The following RAB44 variants were observed in gnomAD, a reference collection of about 807,000 sequenced individuals.
RAB44 encodes the protein RAB44, member RAS oncogene family, also known as ras-related protein Rab-44.
In RAB44, 67 loss-of-function variants were observed where a neutral mutation model predicts 93.3. That is an observed-to-expected ratio of 0.72 (90% CI 0.59 to 0.88). The LOEUF (loss-of-function observed/expected upper bound fraction) is 0.88. Ranked by LOEUF, RAB44 falls within the 40% of genes least tolerant of loss-of-function variation. The probability of loss-of-function intolerance (pLI) is 0.00; values close to 1 mark genes in which losing one functional copy is unlikely to be tolerated. For missense variants in RAB44, 1,064 were observed against 1,261.7 expected, an observed-to-expected ratio of 0.84 and a Z score of 2.37; for synonymous variants, 427 against 520.3, an observed-to-expected ratio of 0.82 and a Z score of 2.44.
intron 2 of RAB44, among the ~76,000 whole-genome samples, chr6:36,709,768 G>A (rs983502743): frequency 1.3e-5 from 2 of 152,138 alleles, no homozygotes; most frequent in Non-Finnish European, 2.9e-5. Flanking sequence ...TGTTGGCCAA[G>A]CTGGTCTCGA....
chr6:36,714,934 C>T (rs1762877411), intron 3 of RAB44, among the ~76,000 whole-genome samples: 1 of 152,168 alleles, frequency 6.6e-6, no homozygotes, highest in African/African-American at 2.4e-5. Flanking sequence ...TTGCCGGGGA[C>T]ACACTTCTCT....
intron 7 of RAB44, among the ~76,000 whole-genome samples, chr6:36,718,867 C>T (rs1380623785): frequency 1.3e-5 from 2 of 151,876 alleles, no homozygotes; most frequent in African/African-American, 4.8e-5. Context: ...TAGTCACTTC[C>T]AGGTGGCACT....
chr6:36,704,091 G>A (rs530017128), intron 1 of RAB44, 133 bp from the exon 2 acceptor site: 238 of 780,592 alleles, frequency 3.0e-4, no homozygotes, highest in African/African-American at 2.0e-3. Context: ...GACCCGGCGG[G>A]ACACCATCAG....
intron 7 of RAB44, among the ~76,000 whole-genome samples, chr6:36,719,599 AAGG>A (rs1182010773): frequency 6.6e-6 from 1 of 152,204 alleles, no homozygotes; most frequent in Non-Finnish European, 1.5e-5. Context: ...GATCAGTGCT[AAGG>A]AGAATAAAGT....
At chr6:36,724,694 A>G (rs1265319154) in intron 9 of RAB44, among the ~76,000 whole-genome samples, 1 of 152,016 alleles carries the variant, frequency 6.6e-6, no homozygotes, top group Non-Finnish European at 1.5e-5. Flanking sequence ...CCAACCAACC[A>G]ACCAGGCAAG....
Position 36,731,986 on chromosome 6 carries a change from C to T in RAB44, c.2976-17C>T, listed in dbSNP as rs1763373989. The T allele has an allele frequency of 2.4e-6, 3 of 1,232,594 alleles. No individual in the cohort carries two copies. The Admixed American group carries it at 1.3e-4, about 52-fold the overall frequency. The allele number at this position is 1,232,594 out of a possible 1,614,324, so 76.4% of individuals were successfully genotyped here. A position where few individuals can be genotyped will look rare whatever the true frequency, so the allele number is the denominator to read the frequency against. On this transcript the variant is annotated splice_polypyrimidine_tract_variant and intron_variant, in intron 13 of 13. Coordinates refer to ENST00000612677, the MANE Select transcript of RAB44 (RefSeq NM_001257357.2). The surrounding 1 kb of genome is among the most constrained non-coding windows in gnomAD (Gnocchi z 4.0). Reference sequence around the variant, plus strand: ...AGGAGGTGAGAGAGAGGCCTGATGCCTGGCACTGTCACATAGGTCACTCAG... The same window carrying T: ...AGGAGGTGAGAGAGAGGCCTGATGCTTGGCACTGTCACATAGGTCACTCAG...
chr6:36,717,038 G>A lies in RAB44; in HGVS notation c.495-235G>A, dbSNP rs957958808. Among the ~76,000 whole-genome samples the A allele has an allele frequency of 1.3e-5, 2 of 152,152 alleles. No individual in the cohort carries two copies. The highest frequency in any genetic ancestry group is 6.5e-5 in the Admixed American group (1 of 15,270). On this transcript the variant is annotated intron_variant, in intron 4 of 13. Coordinates refer to ENST00000612677, the MANE Select transcript of RAB44 (RefSeq NM_001257357.2). This position sits in a 1 kb window ranked among gnomAD's most constrained non-coding sequence, Gnocchi z 4.1. ...CCAAATCCCCCCATCCCACTATTAC[G>A]GAATCATAGAGAGACACAGTGTGGC...
intron 2 of RAB44, among the ~76,000 whole-genome samples, chr6:36,707,911 G>T (rs1369733199): frequency 6.6e-6 from 1 of 152,140 alleles, no homozygotes; most frequent in Non-Finnish European, 1.5e-5. Flanking sequence ...ATTTCATAAT[G>T]GTTTGATCAG....
At position 36,730,579 on chromosome 6, in the gene RAB44, G is replaced by C. The variant is rs568203915; in HGVS notation, c.2899-94G>C. 9.1e-4 allele frequency: 657 copies of C among 725,846 alleles called. 2 individuals are homozygous for C. In the African/African-American group the frequency reaches 0.011, roughly 12 times the overall value. The allele number at this position is 725,846 out of a possible 1,614,324, so 45.0% of individuals were successfully genotyped here. On this transcript the variant is annotated intron_variant, in intron 12 of 13. Transcript: ENST00000612677. ...TGAGGTCAGCTTAGGGATGCATTGG[G>C]ACTCTGATGGCCGGGACTTTAGTGG...
In RAB44 at chr6:36,717,303, G is replaced by A; in HGVS notation, c.525G>A (p.Gln175=). ...TGGAAATCTGGCAACTGTGGGGGCA[G>A]CTGCGGCAGGAGGAGCCCCAGCTGG... ...KQMEIWQLWG[Q]LRQEEPQLAG... The change falls in exon 5 of 14, where the codon CAG becomes CAA. Residue 175 remains glutamine (Q), a synonymous_variant. Coordinates refer to ENST00000612677, the MANE Select transcript of RAB44 (RefSeq NM_001257357.2). The surrounding 1 kb of genome is among the most constrained non-coding windows in gnomAD (Gnocchi z 4.1). The A allele has an allele frequency of 8.1e-7, 1 of 1,232,188 alleles. No homozygotes were observed. The highest frequency in any genetic ancestry group is 1.0e-6 in the Non-Finnish European group (1 of 987,988). 76.3% of individuals were successfully genotyped at this position (1,232,188 alleles called of 1,614,324 possible).
chr6:36,731,375 C>T lies in RAB44; in HGVS notation c.2975+626C>T, dbSNP rs1192961753. On this transcript the variant is annotated intron_variant, in intron 13 of 13. Coordinates refer to ENST00000612677, the MANE Select transcript of RAB44 (RefSeq NM_001257357.2). This position sits in a 1 kb window ranked among gnomAD's most constrained non-coding sequence, Gnocchi z 4.0. The stretch of plus-strand genomic sequence containing the variant: ...TTTCTTGTTGTCCAGGAAGGCAGGG[C>T]CATGTCTGTTTTGTTCAGCCCCTCT... Among the ~76,000 whole-genome samples the T allele has an allele frequency of 1.2e-4, 19 of 152,156 alleles. No homozygotes were observed. The highest frequency in any genetic ancestry group is 1.2e-3 in the Admixed American group (19 of 15,282).
intron 2 of RAB44, among the ~76,000 whole-genome samples, chr6:36,709,119 T>A (rs1044653332): frequency 1.6e-4 from 25 of 152,020 alleles, no homozygotes; most frequent in South Asian, 4.2e-4. Flanking sequence ...TATTTTTTTT[T>A]ATTTTTATTT....
chr6:36,716,478 A>T (rs2150333460), intron 4 of RAB44, among the ~76,000 whole-genome samples: 1 of 151,654 alleles, frequency 6.6e-6, no homozygotes, highest in South Asian at 2.1e-4. Flanking sequence ...TCAAAAAAAA[A>T]AAAAAAAAAA....
intron 1 of RAB44, among the ~76,000 whole-genome samples, chr6:36,701,620 A>T (rs1019726318): frequency 1.3e-5 from 2 of 152,166 alleles, no homozygotes; most frequent in Non-Finnish European, 2.9e-5. Flanking sequence ...TGACACCCTG[A>T]TCAGTGAGTT....
intron 3 of RAB44, among the ~76,000 whole-genome samples, chr6:36,714,294 T>C (rs1235342209): frequency 6.6e-6 from 1 of 152,156 alleles, no homozygotes; most frequent in Non-Finnish European, 1.5e-5. Flanking sequence ...GGGTGGGGGC[T>C]TTCCAGGTGC....
intron 3 of RAB44, among the ~76,000 whole-genome samples, chr6:36,714,209 G>C (rs754173873): frequency 6.6e-6 from 1 of 152,206 alleles, no homozygotes; most frequent in Non-Finnish European, 1.5e-5. Context: ...ATTTGTTTCC[G>C]CCTGAGGAGA....
chr6:36,705,737 G>T (rs1005050286), intron 2 of RAB44, among the ~76,000 whole-genome samples: 3 of 152,088 alleles, frequency 2.0e-5, no homozygotes, highest in African/African-American at 7.2e-5. Context: ...ATGTATAAAA[G>T]GCTGCTGTCA....
At chr6:36,703,735 G>A (rs1200899978) in intron 1 of RAB44, among the ~76,000 whole-genome samples, 1 of 152,078 alleles carries the variant, frequency 6.6e-6, no homozygotes, top group East Asian at 1.9e-4. Context: ...AGGGGAGGAG[G>A]TGTCGGTGGA....
rs567437914 is a variant in RAB44 at position 36,706,838 on chromosome 6, C to T, written c.207+2396C>T. Among the ~76,000 whole-genome samples the T allele has an allele frequency of 7.3e-5, 11 of 151,348 alleles. No individual in the cohort carries two copies. In the South Asian group the frequency reaches 1.9e-3, roughly 26 times the overall value. On this transcript the variant is annotated intron_variant, in intron 2 of 13. Coordinates refer to ENST00000612677, the MANE Select transcript of RAB44 (RefSeq NM_001257357.2). ...GCCTCCTGGGTTCAAGTGATCCTCT[C>T]GCCTCAGCCTCTTGAGTAGCTGGGA...
Sources: allele counts gnomAD v4.1 joint callset (sites outside exome capture counted in the v4.1 genomes callset), GRCh38; gene constraint gnomAD v4.1.1; non-coding constraint Gnocchi (gnomAD v3.1); transcripts MANE v1.5; gene names NCBI Gene and HGNC (gene_info 2026-07-23, HGNC 2026-07-21).